Variants in PHGDH observed in about 807,000 individuals in gnomAD.
The protein encoded by PHGDH is D-3-phosphoglycerate dehydrogenase.
Under a neutral mutation model 52.6 loss-of-function variants are expected in PHGDH, and 50 were observed. The ratio of observed to expected loss-of-function variants is 0.95; its 90% confidence interval spans 0.76 to 1.20. The LOEUF (loss-of-function observed/expected upper bound fraction) is 1.20. Ranked by LOEUF, PHGDH falls within the 50% of genes most tolerant of loss-of-function variation. The pLI, the probability that PHGDH is intolerant of heterozygous loss-of-function variation, is 0.00. For missense variants in PHGDH, 630 were observed against 684.6 expected, an observed-to-expected ratio of 0.92 and a Z score of 0.89; for synonymous variants, 271 against 280.5, an observed-to-expected ratio of 0.97 and a Z score of 0.34.
chr1:119,739,069 A>G (rs1245173461), intron 8 of PHGDH, among the ~76,000 whole-genome samples: 1 of 152,230 alleles, frequency 6.6e-6, no homozygotes, highest in Admixed American at 6.5e-5. Flanking sequence ...CCCCAGTTCA[A>G]TTCTGTTCTA....
At position 119,735,391 on chromosome 1, in the gene PHGDH, G is replaced by A. The variant is rs778523576; in HGVS notation, c.740G>A (p.Arg247Gln). Reference protein sequence around the residue: ...GGIVDEGALLRALQSGQCAGA... With the variant: ...GGIVDEGALLQALQSGQCAGA... ...ATCGTGGACGAAGGCGCCCTGCTCCGGGCCCTGCAGTCTGGCCAGTGTGCC... is the reference window on the plus strand; with the variant it reads ...ATCGTGGACGAAGGCGCCCTGCTCCAGGCCCTGCAGTCTGGCCAGTGTGCC... The change falls in exon 7 of 12, where the codon CGG becomes CAG. Residue 247 changes from arginine to glutamine, a missense_variant. By Grantham distance (43) the Arg-to-Gln change is conservative. Coordinates refer to ENST00000641023, the MANE Select transcript of PHGDH (RefSeq NM_006623.4). 11 of 1,613,990 alleles carry A rather than the reference G, an allele frequency of 6.8e-6. No homozygotes were observed. The highest frequency in any genetic ancestry group is 1.6e-4 in the Middle Eastern group (1 of 6,084).
chr1:119,736,663 A>T (rs1295508409), intron 7 of PHGDH, among the ~76,000 whole-genome samples: 1 of 152,248 alleles, frequency 6.6e-6, no homozygotes, highest in Admixed American at 6.5e-5. Context: ...CCAGCAAGGC[A>T]CATCGACAGC....
rs2101225889 is a variant in PHGDH at position 119,743,031 on chromosome 1, GCCTA to G, written c.1437_1440del (p.Thr480Ter). ...CTCAGACCTCTGACCCTGCAATGCT[GCCTA>G]CCATGATTGGTGAGGAGGGCCCTGT... On this transcript the variant is annotated frameshift_variant, in exon 11 of 12. Coordinates refer to ENST00000641023, the MANE Select transcript of PHGDH (RefSeq NM_006623.4). LOFTEE classifies it high-confidence loss of function. 1 of 1,608,912 alleles carries G rather than the reference GCCTA, an allele frequency of 6.2e-7. No homozygotes were observed. The highest frequency in any genetic ancestry group is 8.5e-7 in the Non-Finnish European group (1 of 1,175,148).
At chr1:119,712,992 T>G (rs1020770910) in intron 1 of PHGDH, 4 of 152,272 alleles carry the variant, frequency 2.6e-5, no homozygotes, top group African/African-American at 9.6e-5. Context: ...CTTAGCAAAT[T>G]TTTATCTCCT....
Position 119,711,975 on chromosome 1 carries a change from C to G in PHGDH, c.-48C>G. ...GCCAGGCCGAACCGCAGCTTCTTGG[C>G]TTAGGTACTTCTACTCACAGCGGCC... is the stretch of plus-strand genomic sequence containing the variant. On this transcript the variant is annotated 5_prime_UTR_variant, in exon 1 of 12. Coordinates refer to ENST00000641023, the MANE Select transcript of PHGDH (RefSeq NM_006623.4). 6.2e-7 allele frequency: 1 copy of G among 1,610,404 alleles called. No homozygotes were observed. The highest frequency in any genetic ancestry group is 8.5e-7 in the Non-Finnish European group (1 of 1,177,778).
chr1:119,733,266 A>G (rs1278297847), intron 5 of PHGDH, among the ~76,000 whole-genome samples: 1 of 152,154 alleles, frequency 6.6e-6, no homozygotes, highest in Non-Finnish European at 1.5e-5. Flanking sequence ...CACCTTAATC[A>G]TAACCATTTT....
chr1:119,722,417 A>G (rs890723808), intron 2 of PHGDH, among the ~76,000 whole-genome samples: 1 of 152,186 alleles, frequency 6.6e-6, no homozygotes, highest in Non-Finnish European at 1.5e-5. Flanking sequence ...AAAAACCTAA[A>G]AAGCATTTAA....
chr1:119,716,106 T>A (rs1221795969), intron 1 of PHGDH, among the ~76,000 whole-genome samples: 1 of 152,008 alleles, frequency 6.6e-6, no homozygotes, highest in Non-Finnish European at 1.5e-5. Flanking sequence ...ATGTGCTGAT[T>A]GAATGAGTGG....
chr1:119,735,279 C>T lies in PHGDH; in HGVS notation c.644-16C>T, dbSNP rs776715317. 4 of 1,614,018 alleles carry T rather than the reference C, an allele frequency of 2.5e-6. No individual in the cohort carries two copies. The Admixed American group carries it at 6.7e-5, about 27-fold the overall frequency. On this transcript the variant is annotated splice_polypyrimidine_tract_variant and intron_variant, in intron 6 of 11. Coordinates refer to ENST00000641023, the MANE Select transcript of PHGDH (RefSeq NM_006623.4). ...CTGGTGCTGCCCCAGCAGGAAGATG[C>T]TTCGCTTTCTTCCAGGCTTGCTGAA...
intron 2 of PHGDH, 121 bp from the exon 3 acceptor site, chr1:119,723,255 C>G: frequency 1.2e-6 from 1 of 810,308 alleles, no homozygotes; most frequent in South Asian, 1.4e-5. Flanking sequence ...TGGACAGTGG[C>G]GTGGTCAGTT....
rs1026407182 is a variant in PHGDH at position 119,735,409 on chromosome 1, A to G, written c.758A>G (p.Gln253Arg). 1.2e-5 allele frequency: 20 copies of G among 1,613,908 alleles called. No homozygotes were observed. Among genetic ancestry groups the G allele is most frequent in the Admixed American group, 5.0e-5 (3 of 60,014 alleles). The change falls in exon 7 of 12, where the codon CAG (glutamine) becomes CGG (arginine). Residue 253 changes from glutamine (Q) to arginine (R), a missense_variant. Physicochemically the swap from Gln to Arg is conservative, Grantham distance 43 (BLOSUM62 1). Coordinates refer to ENST00000641023, the MANE Select transcript of PHGDH (RefSeq NM_006623.4). ...CTGCTCCGGGCCCTGCAGTCTGGCC[A>G]GTGTGCCGGGGCTGCACTGGACGTG... is the stretch of plus-strand genomic sequence containing the variant. ...GALLRALQSG[Q>R]CAGAALDVFT...
In PHGDH at chr1:119,726,702, C is replaced by G. The variant is rs587689628; in HGVS notation, c.357-149C>G. ...CTCTCTTCTGTTTTCCCTTTATCCC[C>G]CATCAGTGTTCCTAAACCTGAACCC... On this transcript the variant is annotated intron_variant, in intron 3 of 11. Coordinates refer to ENST00000641023, the MANE Select transcript of PHGDH (RefSeq NM_006623.4). The G allele has an allele frequency of 4.3e-5, 31 of 715,696 alleles. 1 individual carries two copies. Among genetic ancestry groups the G allele is most frequent in the South Asian group, 4.2e-4 (28 of 67,094 alleles). The allele number at this position is 715,696 out of a possible 1,614,324, so 44.3% of individuals were successfully genotyped here.
At position 119,721,209 on chromosome 1, in the gene PHGDH, A is replaced by C; in HGVS notation, c.178A>C (p.Thr60Pro). The C allele has an allele frequency of 6.2e-7, 1 of 1,613,934 alleles. No homozygotes were observed. The highest frequency in any genetic ancestry group is 8.5e-7 in the Non-Finnish European group (1 of 1,179,830). Reference sequence around the variant, plus strand: ...TATTGTTCGCTCTGCCACCAAGGTGACCGCTGATGTCATCAACGCAGCTGA... The same window carrying C: ...TATTGTTCGCTCTGCCACCAAGGTGCCCGCTGATGTCATCAACGCAGCTGA... ...GLIVRSATKV[T>P]ADVINAAEKL... is the part of the protein sequence containing the mutation. Residue 60 changes from threonine to proline, a missense_variant, in exon 2 of 12, where the codon ACC becomes CCC. By Grantham distance (38) the Thr-to-Pro change is conservative. Transcript: ENST00000641023.
At position 119,744,142 on chromosome 1, in the gene PHGDH, CCTCTGACACTGCTTACACTGCA is replaced by C. The variant is rs1652338933; in HGVS notation, c.*110_*131del. The C allele has an allele frequency of 3.8e-6, 4 of 1,058,080 alleles. No individual in the cohort carries two copies. In the East Asian group the frequency reaches 9.4e-5, roughly 25 times the overall value. 65.5% of individuals were successfully genotyped at this position (1,058,080 alleles called of 1,614,324 possible). A position where few individuals can be genotyped will look rare whatever the true frequency, so the allele number is the denominator to read the frequency against. On this transcript the variant is annotated 3_prime_UTR_variant, in exon 12 of 12. Coordinates refer to ENST00000641023, the MANE Select transcript of PHGDH (RefSeq NM_006623.4). Reference sequence around the variant, plus strand: ...TCCACATTCTTGGGCTGAACGCGGGCCTCTGACACTGCTTACACTGCACTCTGACCCTGTAGTACAGCAATAA... The same window carrying C: ...TCCACATTCTTGGGCTGAACGCGGGCCTCTGACCCTGTAGTACAGCAATAA...
intron 5 of PHGDH, among the ~76,000 whole-genome samples, chr1:119,731,180 A>G (rs1223192781): frequency 6.6e-6 from 1 of 152,220 alleles, no homozygotes; most frequent in Non-Finnish European, 1.5e-5. Context: ...GGCAGCATTA[A>G]AAGAAGTATG....
At chr1:119,738,492 C>G (rs587596983) in intron 8 of PHGDH, among the ~76,000 whole-genome samples, 17 of 152,310 alleles carry the variant, frequency 1.1e-4, no homozygotes, top group African/African-American at 4.1e-4. Context: ...GCTGTGTGGG[C>G]TCCTCAGGGC....
At chr1:119,717,821 ATCACAG>A (rs1239736908) in intron 1 of PHGDH, among the ~76,000 whole-genome samples, 1 of 152,102 alleles carries the variant, frequency 6.6e-6, no homozygotes, top group Non-Finnish European at 1.5e-5. Flanking sequence ...ATGCCTCCTT[ATCACAG>A]TCAAAGGAAG....
At chr1:119,712,378 G>C in intron 1 of PHGDH, 2 of 557,740 alleles carry the variant, frequency 3.6e-6, no homozygotes, top group East Asian at 3.3e-5. Flanking sequence ...GTTTGCAACC[G>C]CGTCTTTCAC....
intron 3 of PHGDH, among the ~76,000 whole-genome samples, chr1:119,723,922 C>T (rs1026433061): frequency 6.6e-6 from 1 of 152,106 alleles, no homozygotes; most frequent in Non-Finnish European, 1.5e-5. Flanking sequence ...ATCTCTGTCA[C>T]TGCCCTTACA....
Sources: gnomAD v4.1 joint callset for allele counts (sites outside exome capture counted in the v4.1 genomes callset) on GRCh38, gnomAD v4.1.1 for gene constraint, MANE v1.5 for transcripts, NCBI Gene and HGNC (gene_info 2026-07-23, HGNC 2026-07-21) for gene names.